Variants in TCF20 observed in about 807,000 individuals in gnomAD.
The protein encoded by TCF20 is transcription factor 20.
Under a neutral mutation model 148.6 loss-of-function variants are expected in TCF20, and 3 were observed. That is an observed-to-expected ratio of 0.02 (90% confidence interval 0.01 to 0.05). The LOEUF (loss-of-function observed/expected upper bound fraction) is 0.05. Ranked by LOEUF, TCF20 falls within the 10% of genes least tolerant of loss-of-function variation. TCF20 has a pLI of 1.00. For synonymous variants in TCF20, 1,049 were observed against 909.5 expected, an observed-to-expected ratio of 1.15 and a Z score of -2.76; for missense variants, 2,350 against 2,429.3, an observed-to-expected ratio of 0.97 and a Z score of 0.69.
chr22:42,241,355 A>C (rs984631191), intron 1 of TCF20, among the ~76,000 whole-genome samples: 1 of 152,248 alleles, frequency 6.6e-6, no homozygotes, highest in African/African-American at 2.4e-5. Flanking sequence ...AATACTGGAG[A>C]TATCAGGAGA....
At position 42,168,647 on chromosome 22, in the gene TCF20, C is replaced by T. The variant is rs780217677; in HGVS notation, c.*6G>A. ...CCTTTCCATTCCCACGAGCACACTG[C>T]CCCCCTCACCCCCGCTCCGACTGCT... is the stretch of plus-strand genomic sequence containing the variant. On this transcript the variant is annotated 3_prime_UTR_variant, in exon 5 of 6. Transcript: ENST00000677622. The T allele has an allele frequency of 5.0e-6, 8 of 1,597,912 alleles. No homozygotes were observed. Among genetic ancestry groups the T allele is most frequent in the South Asian group, 2.2e-5 (2 of 88,986 alleles).
intron 2 of TCF20, among the ~76,000 whole-genome samples, chr22:42,204,353 G>A (rs972795337): frequency 1.3e-5 from 2 of 152,082 alleles, no homozygotes; most frequent in African/African-American, 4.8e-5. Flanking sequence ...AAATTAGCTG[G>A]GTGTGGTGGC....
At chr22:42,226,260 G>A (rs528036859) in intron 1 of TCF20, among the ~76,000 whole-genome samples, 2 of 152,336 alleles carry the variant, frequency 1.3e-5, no homozygotes, top group South Asian at 4.1e-4. Flanking sequence ...TAAATGCTGA[G>A]CGTAGGGGCT....
chr22:42,232,711 G>A (rs947714806), intron 1 of TCF20, among the ~76,000 whole-genome samples: 2 of 151,068 alleles, frequency 1.3e-5, no homozygotes, highest in Admixed American at 1.3e-4. Flanking sequence ...GGCACCTGTG[G>A]TCCCAGCAAC....
At chr22:42,250,423 GCAA>G (rs1168720360) in intron 1 of TCF20, among the ~76,000 whole-genome samples, 3 of 119,758 alleles carry the variant, frequency 2.5e-5, no homozygotes, top group Non-Finnish European at 4.8e-5. Context: ...TTCAGCCTCA[GCAA>G]CAACAGTGAA....
At chr22:42,222,588 G>A (rs376340943) in intron 1 of TCF20, among the ~76,000 whole-genome samples, 39 of 151,852 alleles carry the variant, frequency 2.6e-4, no homozygotes, top group Middle Eastern at 6.8e-3. Flanking sequence ...TTGTGCCATC[G>A]GCCCACTCTC....
Position 42,210,631 on chromosome 22 carries a change from G to A in TCF20, c.4675C>T (p.Pro1559Ser). 1 of 1,614,190 alleles carries A rather than the reference G, an allele frequency of 6.2e-7. No individual in the cohort carries two copies. Among genetic ancestry groups the A allele is most frequent in the South Asian group, 1.1e-5 (1 of 91,068 alleles). Residue 1559 changes from proline (P) to serine (S), a missense_variant, in exon 2 of 6, where the codon CCA (proline) becomes TCA (serine). This residue lies in a region of TCF20 where 374 missense variants were observed against 398.3 expected (regional missense o/e 0.94). Coordinates refer to ENST00000677622, the MANE Select transcript of TCF20 (RefSeq NM_001378418.1). This position sits in a 1 kb window ranked among gnomAD's most constrained non-coding sequence, Gnocchi z 4.7. ...KQKKQQQPPP[P>S]PPQPPQIPEG... ...GGTATCTGTGGGGGCTGAGGGGGTG[G>A]AGGCGGTGGCTGCTGCTGTTTCTTT...
intron 2 of TCF20, among the ~76,000 whole-genome samples, chr22:42,209,422 G>C (rs901745156): frequency 1.3e-5 from 2 of 152,136 alleles, no homozygotes; most frequent in African/African-American, 4.8e-5. Flanking sequence ...CAAGAAACTT[G>C]AAATATAATA....
At chr22:42,328,499 C>T (rs996625243) in intron 1 of TCF20, among the ~76,000 whole-genome samples, 2 of 152,172 alleles carry the variant, frequency 1.3e-5, no homozygotes, top group African/African-American at 4.8e-5. Context: ...CTGGTCTGGT[C>T]CCCTGTCCAG....
intron 1 of TCF20, among the ~76,000 whole-genome samples, chr22:42,335,119 A>C (rs1055929268): frequency 2.6e-5 from 4 of 151,626 alleles, no homozygotes; most frequent in Non-Finnish European, 5.9e-5. Context: ...GGCCCTGCCC[A>C]CATCAGCTCA....
At chr22:42,282,803 T>C (rs911608480) in intron 1 of TCF20, among the ~76,000 whole-genome samples, 1 of 151,974 alleles carries the variant, frequency 6.6e-6, no homozygotes, top group Admixed American at 6.5e-5. Flanking sequence ...GGGGGCCGGC[T>C]CCTCCTGCCT....
intron 1 of TCF20, among the ~76,000 whole-genome samples, chr22:42,245,208 T>C (rs1026615599): frequency 2.6e-5 from 4 of 152,150 alleles, no homozygotes; most frequent in African/African-American, 9.7e-5. Flanking sequence ...CTCCTTTTTT[T>C]CTCTTTGTAG....
rs531522301 is a variant in TCF20, at chr22:42,168,591, C to G, written c.*44+18G>C. 6.5e-7 allele frequency: 1 copy of G among 1,547,656 alleles called. No individual in the cohort carries two copies. The highest frequency in any genetic ancestry group is 2.4e-5 in the East Asian group (1 of 41,220). ...GGGAGCCGGGCAGGATGCAGGGAGC[C>G]CGGTGGCCCCGACTCACCTGTGCTT... On this transcript the variant is annotated intron_variant, in intron 5 of 5. Transcript: ENST00000677622.
intron 1 of TCF20, among the ~76,000 whole-genome samples, chr22:42,323,681 T>C (rs1195808690): frequency 6.6e-6 from 1 of 151,778 alleles, no homozygotes; most frequent in Non-Finnish European, 1.5e-5. Context: ...TGGCCATGGA[T>C]AGCTGAATGC....
chr22:42,231,910 CAGAG>C (rs941876762), intron 1 of TCF20, among the ~76,000 whole-genome samples: 7 of 112,980 alleles, frequency 6.2e-5, no homozygotes, highest in African/African-American at 1.8e-4. Context: ...GCCTGGGCGA[CAGAG>C]AGAGACTCCG....
At chr22:42,238,480 C>T (rs530393974) in intron 1 of TCF20, among the ~76,000 whole-genome samples, 1 of 152,312 alleles carries the variant, frequency 6.6e-6, no homozygotes, top group East Asian at 1.9e-4. Flanking sequence ...AGAACCTTTT[C>T]TTGCATTCAT....
intron 1 of TCF20, among the ~76,000 whole-genome samples, chr22:42,258,274 T>C (rs566233080): frequency 7.2e-4 from 109 of 151,658 alleles, no homozygotes; most frequent in Admixed American, 3.1e-3. Context: ...CTCCCCCCCC[T>C]TCCCTAGGCA....
chr22:42,288,705 G>A (rs1927076924), upstream of TCF20, among the ~76,000 whole-genome samples: 1 of 113,114 alleles, frequency 8.8e-6, no homozygotes, highest in African/African-American at 3.7e-5. Context: ...GTATTTTTGA[G>A]ACCCTGTATC....
intron 1 of TCF20, among the ~76,000 whole-genome samples, chr22:42,335,057 G>A (rs148999509): frequency 1.3e-5 from 2 of 152,200 alleles, no homozygotes; most frequent in Non-Finnish European, 2.9e-5. Flanking sequence ...TTCTGCATAC[G>A]CTCCTGGGAC....
Sources: gnomAD v4.1 joint callset for allele counts (sites outside exome capture counted in the v4.1 genomes callset) on GRCh38, gnomAD v4.1.1 for gene constraint, gnomAD v4.1.1 regional missense constraint, Gnocchi (gnomAD v3.1) non-coding constraint, MANE v1.5 for transcripts, NCBI Gene and HGNC (gene_info 2026-07-23, HGNC 2026-07-21) for gene names.